Variants in CNTNAP2 observed in about 807,000 individuals in gnomAD.
The protein encoded by CNTNAP2 is contactin associated protein 2, also known as contactin-associated protein-like 2.
A neutral mutation model predicts 155.2 loss-of-function variants in CNTNAP2; 98 were observed. That is an observed-to-expected ratio of 0.63 (90% CI 0.54 to 0.75). CNTNAP2 has a LOEUF of 0.75. CNTNAP2 is among the 30% of genes least tolerant of loss of function. CNTNAP2 has a pLI of 0.00. For synonymous variants in CNTNAP2, 651 were observed against 631.2 expected (o/e 1.03, Z -0.47); for missense variants, 1,727 against 1,688.1 (o/e 1.02, Z -0.40).
At position 147,108,188 on chromosome 7, in the gene CNTNAP2, T is replaced by C. The variant is rs764642738; in HGVS notation, c.592T>C (p.Tyr198His). The C allele has an allele frequency of 3.1e-6, 5 of 1,613,686 alleles. No homozygotes were observed. The highest frequency in any genetic ancestry group is 1.1e-5 in the South Asian group (1 of 91,072). ...INFDGHVVLPYRFRNKKMKTL... is the reference protein window; with the variant it reads ...INFDGHVVLPHRFRNKKMKTL... ...CTTTGATGGCCATGTTGTATTACCA[T>C]ATAGATTCAGAAACAAGAAGATGAA... The change falls in exon 5 of 24, where the codon TAT (tyrosine) becomes CAT (histidine). Residue 198 changes from tyrosine to histidine, a missense_variant. Physicochemically the swap from Tyr to His is moderately conservative, Grantham distance 83 (BLOSUM62 2). Transcript: ENST00000361727.
At chr7:146,281,807 A>G (rs944035486) in intron 1 of CNTNAP2, among the ~76,000 whole-genome samples, 1 of 151,734 alleles carries the variant, frequency 6.6e-6, no homozygotes, top group African/African-American at 2.4e-5. Context: ...AAAAAAAAAA[A>G]TTACTTAATT....
At chr7:147,215,704 C>A (rs1453451156) in intron 8 of CNTNAP2, among the ~76,000 whole-genome samples, 1 of 152,066 alleles carries the variant, frequency 6.6e-6, no homozygotes, top group Non-Finnish European at 1.5e-5. Context: ...TGGGTAAATA[C>A]CAAGAAGTGA....
intron 13 of CNTNAP2, among the ~76,000 whole-genome samples, chr7:147,760,767 G>T (rs1797286465): frequency 6.6e-6 from 1 of 152,274 alleles, no homozygotes; most frequent in Non-Finnish European, 1.5e-5. Flanking sequence ...TAAACCTTGT[G>T]CTCTGTGGAC....
chr7:147,606,264 C>CT (rs1278825890), intron 12 of CNTNAP2, among the ~76,000 whole-genome samples: 1 of 152,144 alleles, frequency 6.6e-6, no homozygotes, highest in Non-Finnish European at 1.5e-5. Flanking sequence ...AATGAATCAC[C>CT]TTAGTGTTGC....
intron 1 of CNTNAP2, among the ~76,000 whole-genome samples, chr7:146,499,918 C>T (rs1213152328): frequency 3.9e-5 from 6 of 152,090 alleles, no homozygotes; most frequent in Non-Finnish European, 8.8e-5. Flanking sequence ...TTTTAGAGTA[C>T]AAGTCTTACA....
At chr7:147,557,900 C>A (rs956991999) in intron 11 of CNTNAP2, among the ~76,000 whole-genome samples, 1 of 152,126 alleles carries the variant, frequency 6.6e-6, no homozygotes, top group Admixed American at 6.5e-5. Flanking sequence ...GTTGAAAAAA[C>A]CACGTTAGGG....
At chr7:148,347,014 T>C (rs930341553) in intron 21 of CNTNAP2, among the ~76,000 whole-genome samples, 1 of 151,940 alleles carries the variant, frequency 6.6e-6, no homozygotes, top group Non-Finnish European at 1.5e-5. Flanking sequence ...CCCAGCACTT[T>C]GGGAGGCCGA....
intron 3 of CNTNAP2, among the ~76,000 whole-genome samples, chr7:147,000,754 C>A (rs2129240873): frequency 6.6e-6 from 1 of 152,206 alleles, no homozygotes; most frequent in East Asian, 1.9e-4. Context: ...GTGCTTGAAG[C>A]CCATAGTTGC....
chr7:146,392,252 G>T (rs932330643), intron 1 of CNTNAP2, among the ~76,000 whole-genome samples: 2 of 151,756 alleles, frequency 1.3e-5, no homozygotes, highest in Non-Finnish European at 2.9e-5. Flanking sequence ...ACATGCCAAT[G>T]ACTTATGACA....
At chr7:146,154,110 GA>G (rs1027781950) in intron 1 of CNTNAP2, among the ~76,000 whole-genome samples, 3 of 151,464 alleles carry the variant, frequency 2.0e-5, no homozygotes, top group Non-Finnish European at 2.9e-5. Flanking sequence ...GACTGTGATT[GA>G]AAAAAAAGAG....
At chr7:147,408,300 A>C (rs1797043544) in intron 10 of CNTNAP2, among the ~76,000 whole-genome samples, 1 of 152,214 alleles carries the variant, frequency 6.6e-6, no homozygotes, top group South Asian at 2.1e-4. Flanking sequence ...GCAGAGGAGC[A>C]GTTCAAGGCA....
intron 1 of CNTNAP2, among the ~76,000 whole-genome samples, chr7:146,662,050 T>C (rs940850527): frequency 1.3e-5 from 2 of 152,192 alleles, no homozygotes; most frequent in African/African-American, 4.8e-5. Context: ...TCATGGTCAA[T>C]GATGCCGAAC....
chr7:146,748,153 T>TC, intron 1 of CNTNAP2, among the ~76,000 whole-genome samples: 1 of 144,166 alleles, frequency 6.9e-6, no homozygotes, highest in East Asian at 2.0e-4. Context: ...CTTTTTTTTT[T>TC]TTTTTTTTTT....
intron 9 of CNTNAP2, among the ~76,000 whole-genome samples, chr7:147,380,722 G>T (rs182523191): frequency 6.6e-6 from 1 of 152,252 alleles, no homozygotes; most frequent in East Asian, 1.9e-4. Flanking sequence ...CAAATTAACA[G>T]AATACCAAAA....
Position 148,378,584 on chromosome 7 carries a change from T to G in CNTNAP2, c.3476-5065T>G, listed in dbSNP as rs1229676883. 8.9e-5 allele frequency among the ~76,000 whole-genome samples: 6 copies of G among 67,788 alleles called. 3 individuals carry two copies. The highest frequency in any genetic ancestry group is 2.2e-4 in the African/African-American group (6 of 27,720). The allele number at this position is 67,788 out of a possible 152,430, so 44.5% of individuals were successfully genotyped here. ...CTTTAAATGGACTCACTATTTTTAC[T>G]TAAATAAATTTATGTTAAAAAGTTT... On this transcript the variant is annotated intron_variant, in intron 21 of 23. Coordinates refer to ENST00000361727, the MANE Select transcript of CNTNAP2 (RefSeq NM_014141.6).
At chr7:147,057,300 C>T (rs1369403075) in intron 4 of CNTNAP2, among the ~76,000 whole-genome samples, 2 of 152,164 alleles carry the variant, frequency 1.3e-5, no homozygotes, top group Non-Finnish European at 2.9e-5. Flanking sequence ...TCATCCATCA[C>T]CTGACCTTCC....
At chr7:146,422,084 A>AT (rs2129114150) in intron 1 of CNTNAP2, among the ~76,000 whole-genome samples, 1 of 151,426 alleles carries the variant, frequency 6.6e-6, no homozygotes, top group East Asian at 1.9e-4. Context: ...ATTATTTATT[A>AT]TTTTTTAAAA....
intron 13 of CNTNAP2, among the ~76,000 whole-genome samples, chr7:147,764,988 T>C (rs568921726): frequency 6.6e-6 from 1 of 152,308 alleles, no homozygotes; most frequent in Non-Finnish European, 1.5e-5. Flanking sequence ...TCTGATAACT[T>C]CATAATGCTG....
At chr7:147,172,449 CATTTA>C (rs1192357554) in intron 8 of CNTNAP2, among the ~76,000 whole-genome samples, 1 of 152,084 alleles carries the variant, frequency 6.6e-6, no homozygotes. Flanking sequence ...TTCTAAAACT[CATTTA>C]ATCTGTTATT....
Sources: gnomAD v4.1 joint callset for allele counts (sites outside exome capture counted in the v4.1 genomes callset) on GRCh38, gnomAD v4.1.1 for gene constraint, MANE v1.5 for transcripts, NCBI Gene and HGNC (gene_info 2026-07-23, HGNC 2026-07-21) for gene names.